SLC16A2: variants seen among roughly 807,000 people sequenced by gnomAD.
The protein encoded by SLC16A2 is solute carrier family 16 member 2.
A neutral mutation model predicts 27.2 loss-of-function variants in SLC16A2; 3 were observed. The ratio of observed to expected loss-of-function variants is 0.11; its 90% CI spans 0.05 to 0.28. SLC16A2 has a LOEUF of 0.28. SLC16A2 is among the 10% of genes least tolerant of loss of function. SLC16A2 has a pLI of 1.00. For missense variants in SLC16A2, 295 were observed against 458.5 expected, an observed-to-expected ratio of 0.64 and a Z score of 3.26; for synonymous variants, 202 against 187.8, an observed-to-expected ratio of 1.08 and a Z score of -0.62.
intron 1 of SLC16A2, among the ~76,000 whole-genome samples, chrX:74,437,366 C>T (rs918896608): frequency 1.8e-5 from 2 of 112,397 alleles, no homozygotes; most frequent in African/African-American, 6.5e-5. Flanking sequence ...TTTGCCTCCA[C>T]ATGACGAGGA....
intron 1 of SLC16A2, among the ~76,000 whole-genome samples, chrX:74,485,566 G>A (rs973592113): frequency 4.5e-5 from 5 of 110,871 alleles, no homozygotes; most frequent in Middle Eastern, 9.2e-3. Context: ...CCCAAATGGC[G>A]CGGCCACTCC....
intron 1 of SLC16A2, among the ~76,000 whole-genome samples, chrX:74,489,134 C>CCATTTTGATAG (rs1348159592): frequency 2.7e-5 from 3 of 111,863 alleles, no homozygotes; most frequent in African/African-American, 6.5e-5. Context: ...TCCCGGTTAA[C>CCATTTTGATAG]CATTTTGATA....
At chrX:74,531,254 T>C in intron 5 of SLC16A2, 79 bp from the exon 6 acceptor site, 1 of 829,920 alleles carries the variant, frequency 1.2e-6, no homozygotes, top group Non-Finnish European at 1.8e-6. Context: ...GGCACTGTGA[T>C]GGCCCCTAGA....
chrX:74,457,963 G>A (rs1453755542), intron 1 of SLC16A2, among the ~76,000 whole-genome samples: 1 of 111,915 alleles, frequency 8.9e-6, no homozygotes, highest in Non-Finnish European at 1.9e-5. Context: ...AAGTACAGAT[G>A]TGTATCTTTT....
intron 4 of SLC16A2, among the ~76,000 whole-genome samples, chrX:74,526,705 C>T (rs1930491584): frequency 8.9e-6 from 1 of 112,408 alleles, no homozygotes; most frequent in African/African-American, 3.2e-5. Flanking sequence ...CTATGCAACA[C>T]ACTTCTCATA....
intron 1 of SLC16A2, among the ~76,000 whole-genome samples, chrX:74,463,671 C>T (rs1287447915): frequency 3.6e-5 from 4 of 110,652 alleles, no homozygotes; most frequent in Admixed American, 2.9e-4. Flanking sequence ...GGACTACAGG[C>T]GCCTGCCACC....
At position 74,421,827 on chromosome X, in the gene SLC16A2, C is replaced by T. The variant is rs774621198; in HGVS notation, c.190C>T (p.Leu64=). The change falls in exon 1 of 6, where the codon CTG becomes TTG. Residue 64 remains leucine (L), a synonymous_variant. Coordinates refer to ENST00000587091, the MANE Select transcript of SLC16A2 (RefSeq NM_006517.5). ...EPQPLPDPAP[L]PELEFESERV... ...CCAGCCCCTACCGGACCCCGCACCCCTGCCGGAGCTGGAGTTCGAGTCCGA... is the reference window on the plus strand; with the variant it reads ...CCAGCCCCTACCGGACCCCGCACCCTTGCCGGAGCTGGAGTTCGAGTCCGA... 1 of 1,190,556 alleles carries T rather than the reference C, an allele frequency of 8.4e-7. No individual in the cohort carries two copies. Among genetic ancestry groups the T allele is most frequent in the East Asian group, 3.0e-5 (1 of 33,163 alleles).
chrX:74,445,447 A>T (rs933599346), intron 1 of SLC16A2, among the ~76,000 whole-genome samples: 1 of 109,024 alleles, frequency 9.2e-6, no homozygotes, highest in Admixed American at 9.8e-5. Context: ...ATTTTGCTAG[A>T]TGCTATGATA....
At chrX:74,523,683 T>C (rs776907094) in intron 2 of SLC16A2, among the ~76,000 whole-genome samples, 1 of 111,455 alleles carries the variant, frequency 9.0e-6, no homozygotes, top group Admixed American at 9.5e-5. Context: ...CTATACCATA[T>C]CCAGAAACAA....
At chrX:74,499,753 C>A (rs1170375008) in intron 1 of SLC16A2, among the ~76,000 whole-genome samples, 1 of 111,890 alleles carries the variant, frequency 8.9e-6, no homozygotes, top group Non-Finnish European at 1.9e-5. Flanking sequence ...CACGCCCCAT[C>A]ATCTCTTGTA....
chrX:74,475,834 G>A (rs1929465379), intron 1 of SLC16A2, among the ~76,000 whole-genome samples: 1 of 111,360 alleles, frequency 9.0e-6, no homozygotes, highest in Non-Finnish European at 1.9e-5. Context: ...TGTACCATTG[G>A]TCTATATCTC....
chrX:74,529,202 T>G lies in SLC16A2; in HGVS notation c.1171-11T>G. On this transcript the variant is annotated splice_polypyrimidine_tract_variant and intron_variant, in intron 4 of 5. Transcript: ENST00000587091. Reference sequence around the variant, plus strand: ...CCAGCACAACCTGACCTCAGGCCCTTGTTTCTCCAGGTCCTTTCCTTCCTG... The same window carrying G: ...CCAGCACAACCTGACCTCAGGCCCTGGTTTCTCCAGGTCCTTTCCTTCCTG... 8.4e-7 allele frequency: 1 copy of G among 1,195,760 alleles called. No individual in the cohort carries two copies. Among genetic ancestry groups the G allele is most frequent in the East Asian group, 3.0e-5 (1 of 33,777 alleles).
intron 1 of SLC16A2, among the ~76,000 whole-genome samples, chrX:74,470,150 C>G (rs1321271813): frequency 1.8e-5 from 2 of 111,931 alleles, no homozygotes; most frequent in African/African-American, 6.5e-5. Flanking sequence ...GGCCTGATAG[C>G]CAATTTCTTT....
intron 1 of SLC16A2, among the ~76,000 whole-genome samples, chrX:74,429,313 T>A (rs1188159680): frequency 9.0e-6 from 1 of 110,521 alleles, no homozygotes; most frequent in Non-Finnish European, 1.9e-5. Context: ...ACAAAAAAAA[T>A]TTTTAAAAAC....
intron 1 of SLC16A2, among the ~76,000 whole-genome samples, chrX:74,429,113 G>A (rs905607297): frequency 8.1e-5 from 9 of 110,819 alleles, no homozygotes; most frequent in African/African-American, 3.0e-4. Flanking sequence ...AGCCCAGGAG[G>A]TTGAGGCTAC....
chrX:74,424,655 C>A (rs1307532807), intron 1 of SLC16A2, among the ~76,000 whole-genome samples: 1 of 111,587 alleles, frequency 9.0e-6, no homozygotes. Context: ...GAATTTGGTG[C>A]ATCGTCCATT....
chrX:74,453,052 CT>C (rs5902727), intron 1 of SLC16A2, among the ~76,000 whole-genome samples: 88 of 96,004 alleles, frequency 9.2e-4, no homozygotes, highest in Non-Finnish European at 8.3e-4. Flanking sequence ...GTGCAGGTTG[CT>C]TTTTTTTTTT....
Position 74,492,754 on chromosome X carries a change from A to C in SLC16A2, c.431-28236A>C, listed in dbSNP as rs1188843660. 2.7e-5 allele frequency among the ~76,000 whole-genome samples: 3 copies of C among 111,470 alleles called. No homozygotes were observed. In the Admixed American group the frequency reaches 2.8e-4, roughly 11 times the overall value. On this transcript the variant is annotated intron_variant, in intron 1 of 5. Coordinates refer to ENST00000587091, the MANE Select transcript of SLC16A2 (RefSeq NM_006517.5). ...TGTTCACTCTCCACCCCCAACGTCC[A>C]GCTAAGCCTGGGGGCAAACACGAGA...
In SLC16A2 at chrX:74,525,791, C is replaced by G; in HGVS notation, c.1068C>G (p.Thr356=). The change falls in exon 4 of 6, where the codon ACC becomes ACG. Residue 356 remains threonine (T), a synonymous_variant. Transcript: ENST00000587091. ...AGGAGTTCTCAGAAATCAAGGAGAC[C>G]TGGGTGCTCTTGGTGTGTATTGGGG... ...VEEEFSEIKE[T]WVLLVCIGAT... 1 of 1,211,292 alleles carries G rather than the reference C, an allele frequency of 8.3e-7. No individual in the cohort carries two copies. Among genetic ancestry groups the G allele is most frequent in the South Asian group, 1.8e-5 (1 of 56,984 alleles).
Sources: gnomAD v4.1 joint callset for allele counts (sites outside exome capture counted in the v4.1 genomes callset) on GRCh38, gnomAD v4.1.1 for gene constraint, MANE v1.5 for transcripts, NCBI Gene and HGNC (gene_info 2026-07-23, HGNC 2026-07-21) for gene names.